KRT7: variants seen among roughly 807,000 people sequenced by gnomAD.
The protein encoded by KRT7 is keratin 7.
A neutral mutation model predicts 42.8 loss-of-function variants in KRT7; 50 were observed. That is an observed-to-expected ratio of 1.17 (90% CI 0.93 to 1.48). The LOEUF is 1.48. Among genes scored for constraint, KRT7 ranks in the 40% most tolerant of loss-of-function variants. The pLI, the probability that KRT7 is intolerant of heterozygous loss-of-function variation, is 0.00. For synonymous variants in KRT7, 268 were observed against 266.3 expected, an observed-to-expected ratio of 1.01 and a Z score of -0.06; for missense variants, 588 against 637.6, an observed-to-expected ratio of 0.92 and a Z score of 0.84.
chr12:52,250,903 A>G (rs1338804421), downstream of KRT7, among the ~76,000 whole-genome samples: 1 of 152,226 alleles, frequency 6.6e-6, no homozygotes, highest in Admixed American at 6.5e-5. Context: ...AACATCATGG[A>G]GTGCACATAC....
At chr12:52,250,656 G>A (rs746672425), downstream of KRT7, 142 of 688,998 alleles carry the variant, frequency 2.1e-4, no homozygotes, top group Non-Finnish European at 3.5e-4. Context: ...CAGAGGGGGA[G>A]GACAGGGCCC....
chr12:52,238,844 C>T, intron 4 of KRT7, 69 bp downstream of exon 4: 1 of 958,968 alleles, frequency 1.0e-6, no homozygotes, highest in Non-Finnish European at 1.7e-6. Flanking sequence ...TCTGGTCCAG[C>T]CCCCCGCCTC....
downstream of KRT7, chr12:52,250,730 CCT>C: frequency 2.2e-6 from 1 of 455,544 alleles, no homozygotes; most frequent in East Asian, 4.2e-5. Flanking sequence ...TATGCGCGCC[CCT>C]CAAACCCTCA....
intron 5 of KRT7, 200 bp downstream of exon 5, chr12:52,241,836 A>T (rs745933496): frequency 4.1e-6 from 2 of 483,598 alleles, no homozygotes; most frequent in Non-Finnish European, 7.3e-6. Flanking sequence ...TGGATTAATC[A>T]TTATAATAGC....
Position 52,238,670 on chromosome 12 carries a change from C to T in KRT7, c.598-10C>T. Reference sequence around the variant, plus strand: ...GGTCTCCCTCTGCCCCATCTTGCCCCAACCCCCAGGATGTGGATGCTGCCT... The same window carrying T: ...GGTCTCCCTCTGCCCCATCTTGCCCTAACCCCCAGGATGTGGATGCTGCCT... On this transcript the variant is annotated splice_polypyrimidine_tract_variant and intron_variant, in intron 3 of 8. Coordinates refer to ENST00000331817, the MANE Select transcript of KRT7 (RefSeq NM_005556.4). 1 of 1,600,304 alleles carries T rather than the reference C, an allele frequency of 6.2e-7. No individual in the cohort carries two copies. Among genetic ancestry groups the T allele is most frequent in the Non-Finnish European group, 8.6e-7 (1 of 1,167,326 alleles).
chr12:52,235,900 A>G (rs1297316198), intron 2 of KRT7, among the ~76,000 whole-genome samples: 3 of 152,206 alleles, frequency 2.0e-5, no homozygotes, highest in African/African-American at 2.4e-5. Flanking sequence ...CAGAGAGGGA[A>G]AATGGTCATT....
At chr12:52,246,325 A>AC (rs1201708800) in intron 7 of KRT7, 1 of 152,318 alleles carries the variant, frequency 6.6e-6, no homozygotes, top group African/African-American at 2.4e-5. Flanking sequence ...AACAGAGAAT[A>AC]CGTAGGACAT....
chr12:52,252,563 C>CA, downstream of KRT7: 1 of 1,520,952 alleles, frequency 6.6e-7, no homozygotes, highest in Non-Finnish European at 8.9e-7. Context: ...CACTGACTAG[C>CA]AGAAGAAAAA....
chr12:52,254,566 G>A (rs1199826152), downstream of KRT7, among the ~76,000 whole-genome samples: 1 of 152,210 alleles, frequency 6.6e-6, no homozygotes, highest in African/African-American at 2.4e-5. Context: ...GTTTGGGTAA[G>A]GGAGGGGGAC....
At chr12:52,241,966 ATTTAT>A (rs1942099040) in intron 5 of KRT7, 1 of 158,808 alleles carries the variant, frequency 6.3e-6, no homozygotes, top group Admixed American at 6.5e-5. Flanking sequence ...ATTTAATTTA[ATTTAT>A]TTTATTTCTA....
chr12:52,241,417 G>A (rs539527974), intron 4 of KRT7, 55 bp from the exon 5 acceptor site: 79 of 1,421,788 alleles, frequency 5.6e-5, no homozygotes, highest in Non-Finnish European at 7.1e-5. Flanking sequence ...ATCCCAGGGT[G>A]GGCGTGGGCA....
intron 5 of KRT7, 27 bp from the exon 6 acceptor site, chr12:52,242,985 C>T: frequency 6.3e-7 from 1 of 1,597,372 alleles, no homozygotes; most frequent in Non-Finnish European, 8.5e-7. Flanking sequence ...CATCTCTCTG[C>T]CATAACTCTC....
intron 2 of KRT7, 51 bp from the exon 3 acceptor site, chr12:52,237,458 C>T (rs12313552): frequency 0.33 from 437,269 of 1,343,682 alleles, 73,660 homozygotes; most frequent in Non-Finnish European, 0.34. Context: ...GGAGGGGGGA[C>T]GGGAGCATGG....
At chr12:52,252,234 A>C (rs773691323), downstream of KRT7, 1 of 1,613,348 alleles carries the variant, frequency 6.2e-7, no homozygotes, top group East Asian at 2.2e-5. Flanking sequence ...AACTGAGGGG[A>C]CACCCTCCCC....
intron 1 of KRT7, 103 bp downstream of exon 1, chr12:52,233,723 G>C (rs1941959605): frequency 1.8e-6 from 2 of 1,137,458 alleles, no homozygotes; most frequent in Non-Finnish European, 2.6e-6. Flanking sequence ...GGGGAGCACT[G>C]CCGCCCTTCT....
rs757539132 is a variant in KRT7, at chr12:52,237,569, G to C, written c.597G>C (p.Lys199Asn). Reference sequence around the variant, plus strand: ...AGAATGAGTTTGTGGTGCTGAAGAAGGTGAGTGGGAAAGACAGGCTCGAGG... The same window carrying C: ...AGAATGAGTTTGTGGTGCTGAAGAACGTGAGTGGGAAAGACAGGCTCGAGG... ...AAENEFVVLK[K>N]DVDAAYMSKV... The change falls in exon 3 of 9, where the codon AAG becomes AAC. Residue 199 changes from lysine to asparagine, a missense_variant and splice_region_variant. Physicochemically the swap from Lys to Asn is moderately conservative, Grantham distance 94. Transcript: ENST00000331817. 6.2e-7 allele frequency: 1 copy of C among 1,608,118 alleles called. No homozygotes were observed. Among genetic ancestry groups the C allele is most frequent in the South Asian group, 1.1e-5 (1 of 90,454 alleles).
chr12:52,248,274 A>G (rs1357277509), intron 8 of KRT7, 63 bp downstream of exon 8: 1 of 1,534,362 alleles, frequency 6.5e-7, no homozygotes, highest in East Asian at 2.2e-5. Context: ...GGCTGGGTCT[A>G]GAGAATGGCA....
intron 8 of KRT7, 116 bp from the exon 9 acceptor site, chr12:52,248,475 G>A (rs1942210887): frequency 1.0e-5 from 12 of 1,151,432 alleles, no homozygotes; most frequent in Non-Finnish European, 1.5e-5. Context: ...GCCCATGGAG[G>A]GGGGCAGGGG....
intron 4 of KRT7, 88 bp from the exon 5 acceptor site, chr12:52,241,384 T>G: frequency 8.2e-7 from 1 of 1,224,992 alleles, no homozygotes. Flanking sequence ...TGTTCTCTCT[T>G]TTCTTTCCTT....
Sources: allele counts gnomAD v4.1 joint callset (sites outside exome capture counted in the v4.1 genomes callset), GRCh38; gene constraint gnomAD v4.1.1; transcripts MANE v1.5; gene names NCBI Gene and HGNC (gene_info 2026-07-23, HGNC 2026-07-21).